The following PTPN3 variants were observed in gnomAD, a reference collection of about 807,000 sequenced individuals.
The protein encoded by PTPN3 is tyrosine-protein phosphatase non-receptor type 3.
PTPN3 carries 96 observed loss-of-function variants against 132.7 expected under a neutral mutation model. That is an observed-to-expected ratio of 0.72 (90% CI 0.61 to 0.86). The LOEUF (loss-of-function observed/expected upper bound fraction) is 0.86, where lower values mean the gene tolerates loss of function less well. Ranked by LOEUF, PTPN3 falls within the 40% of genes least tolerant of loss-of-function variation. The probability of loss-of-function intolerance (pLI) is 0.00; values close to 1 mark genes in which losing one functional copy is unlikely to be tolerated. For synonymous variants in PTPN3, 398 were observed against 429.0 expected (o/e 0.93, Z 0.89); for missense variants, 1,125 against 1,159.6 (o/e 0.97, Z 0.43).
At chr9:109,530,357 C>T in the PTPN3 span, among the ~76,000 whole-genome samples, 1 of 152,162 alleles carries the variant, frequency 6.6e-6, no homozygotes, top group South Asian at 2.1e-4. Context: ...TTTAACTTAG[C>T]ATGTTTTCAA....
At chr9:109,448,966 T>C (rs894936993) in intron 5 of PTPN3, 111 bp from the exon 6 acceptor site, 9 of 1,498,974 alleles carry the variant, frequency 6.0e-6, no homozygotes, top group Non-Finnish European at 8.0e-6. Context: ...GAAAGATACA[T>C]AAAAATACGG....
intron 1 of PTPN3, among the ~76,000 whole-genome samples, chr9:109,482,740 C>A (rs1229083915): frequency 3.3e-5 from 5 of 152,168 alleles, no homozygotes; most frequent in Non-Finnish European, 7.3e-5. Flanking sequence ...GCCTTTTAAT[C>A]CATACCTGGA....
rs1264768080 is a variant in PTPN3, at chr9:109,416,297, C to T, written c.1313+4127G>A. Among the ~76,000 whole-genome samples the T allele has an allele frequency of 2.6e-5, 4 of 152,142 alleles. No homozygotes were observed. In the South Asian group the frequency reaches 8.3e-4, roughly 32 times the overall value. ...AACAGTGGGCACCTGGGCTGTCTAACGACAGAGCACACAGCTGCACTGTAG... is the reference window on the plus strand; with the variant it reads ...AACAGTGGGCACCTGGGCTGTCTAATGACAGAGCACACAGCTGCACTGTAG... On this transcript the variant is annotated intron_variant, in intron 14 of 25. Coordinates refer to ENST00000374541, the MANE Select transcript of PTPN3 (RefSeq NM_002829.4).
the PTPN3 span, among the ~76,000 whole-genome samples, chr9:109,506,782 T>G: frequency 6.6e-6 from 1 of 152,100 alleles, no homozygotes; most frequent in African/African-American, 2.4e-5. Flanking sequence ...TTTGTATTTT[T>G]GGTAGAGATG....
intron 23 of PTPN3, 170 bp downstream of exon 23, chr9:109,383,253 G>T: frequency 1.7e-6 from 2 of 1,161,694 alleles, no homozygotes; most frequent in South Asian, 1.4e-5. Context: ...TTGTGACTAG[G>T]GCCACTGTGA....
At chr9:109,440,743 C>T (rs192424253) in intron 7 of PTPN3, among the ~76,000 whole-genome samples, 15 of 152,348 alleles carry the variant, frequency 9.8e-5, no homozygotes, top group Admixed American at 7.8e-4. Flanking sequence ...AGTCCCATCC[C>T]TGGTATCATT....
the PTPN3 span, among the ~76,000 whole-genome samples, chr9:109,506,140 A>G: frequency 6.6e-6 from 1 of 152,132 alleles, no homozygotes; most frequent in Non-Finnish European, 1.5e-5. Context: ...CCCCAACCAC[A>G]TATACGGACC....
intron 1 of PTPN3, among the ~76,000 whole-genome samples, chr9:109,484,838 C>T (rs1210232836): frequency 1.3e-5 from 2 of 152,202 alleles, no homozygotes; most frequent in East Asian, 3.8e-4. Flanking sequence ...GTCCTCAGCC[C>T]TCTATGACCC....
intron 5 of PTPN3, among the ~76,000 whole-genome samples, chr9:109,452,231 G>A (rs1845299172): frequency 1.5e-5 from 2 of 131,116 alleles, no homozygotes; most frequent in Admixed American, 1.8e-4. Flanking sequence ...GCGCGCCACT[G>A]CACTCCAGCC....
intron 19 of PTPN3, among the ~76,000 whole-genome samples, chr9:109,401,307 T>C (rs1026983948): frequency 6.6e-6 from 1 of 152,176 alleles, no homozygotes; most frequent in Non-Finnish European, 1.5e-5. Flanking sequence ...CAGGTGCTGA[T>C]CTTGTTAAAA....
intron 5 of PTPN3, chr9:109,449,325 C>T (rs2131995237): frequency 1.0e-6 from 1 of 988,004 alleles, no homozygotes; most frequent in South Asian, 4.7e-5. Context: ...GGAGGGGAGT[C>T]TGTGAAGACA....
chr9:109,418,589 G>GTAT (rs1842686473), intron 14 of PTPN3, among the ~76,000 whole-genome samples: 1 of 152,134 alleles, frequency 6.6e-6, no homozygotes, highest in Non-Finnish European at 1.5e-5. Flanking sequence ...AATGAACGAT[G>GTAT]GAATAAACGT....
At chr9:109,507,447 C>T in the PTPN3 span, among the ~76,000 whole-genome samples, 1 of 152,242 alleles carries the variant, frequency 6.6e-6, no homozygotes, top group Non-Finnish European at 1.5e-5. Flanking sequence ...TTCCTGGTGA[C>T]ATTTTAAGAA....
At chr9:109,498,507 G>A (rs914518086), upstream of PTPN3, among the ~76,000 whole-genome samples, 1 of 152,066 alleles carries the variant, frequency 6.6e-6, no homozygotes, top group African/African-American at 2.4e-5. This position sits in a 1 kb window ranked among gnomAD's most constrained non-coding sequence, Gnocchi z 4.2. Flanking sequence ...GTTCCCTCGC[G>A]CATGCATGCA....
In PTPN3 at chr9:109,406,587, C is replaced by T; in HGVS notation, c.1667G>A (p.Gly556Glu). The part of the protein sequence containing the change: ...ADTCIPKLNE[G>E]DQIVLINGRD... ...GCCATTGATTAACACGATTTGATCC[C>T]CTTCGTTCAGCTTAGGAATGCAGGT... Residue 556 changes from glycine (G) to glutamate (E), a missense_variant, in exon 18 of 26, where the codon GGG becomes GAG. Transcript: ENST00000374541. The T allele has an allele frequency of 6.2e-7, 1 of 1,614,144 alleles. No individual in the cohort carries two copies. The highest frequency in any genetic ancestry group is 8.5e-7 in the Non-Finnish European group (1 of 1,180,014).
chr9:109,488,037 A>G (rs1352203511), intron 1 of PTPN3, among the ~76,000 whole-genome samples: 1 of 149,250 alleles, frequency 6.7e-6, no homozygotes, highest in African/African-American at 2.5e-5. Context: ...GTAAAAAGTG[A>G]CCCCAAACGA....
rs1307889138 is a variant in PTPN3, at chr9:109,496,586, G to A, written c.-18+1633C>T. ...AAAGATTAAATAAGACGATACAGGT[G>A]AATGTACTCTGTAAGTTCTATAAGG... is the stretch of plus-strand genomic sequence containing the variant. On this transcript the variant is annotated intron_variant, in intron 1 of 25. Transcript: ENST00000374541. Among the ~76,000 whole-genome samples the A allele has an allele frequency of 2.0e-5, 3 of 152,224 alleles. 1 individual carries two copies. The highest frequency in any genetic ancestry group is 2.9e-5 in the Non-Finnish European group (2 of 68,044).
At chr9:109,533,125 A>ATTTT in the PTPN3 span, among the ~76,000 whole-genome samples, 1 of 49,798 alleles carries the variant, frequency 2.0e-5, no homozygotes, top group Non-Finnish European at 3.3e-5. Flanking sequence ...ATACCTGGCT[A>ATTTT]ATTTTTTTTT....
At chr9:109,477,576 T>A (rs563736892) in intron 1 of PTPN3, among the ~76,000 whole-genome samples, 13 of 152,348 alleles carry the variant, frequency 8.5e-5, no homozygotes, top group African/African-American at 3.1e-4. Context: ...CCTCCCACTT[T>A]TGCAAAAGGC....
Sources: allele counts gnomAD v4.1 joint callset (sites outside exome capture counted in the v4.1 genomes callset), GRCh38; gene constraint gnomAD v4.1.1; non-coding constraint Gnocchi (gnomAD v3.1); transcripts MANE v1.5; gene names NCBI Gene and HGNC (gene_info 2026-07-23, HGNC 2026-07-21).